Variants in RIMKLB observed in about 807,000 individuals in gnomAD.
The protein encoded by RIMKLB is beta-citrylglutamate synthase B.
A neutral mutation model predicts 32.0 loss-of-function variants in RIMKLB; 7 were observed. That is an observed-to-expected ratio of 0.22 (90% CI 0.12 to 0.41). RIMKLB has a LOEUF of 0.41. Among genes scored for constraint, RIMKLB ranks in the 10% least tolerant of loss-of-function variants. The pLI is 1.00. For synonymous variants in RIMKLB, 172 were observed against 185.1 expected (o/e 0.93, Z 0.57); for missense variants, 289 against 498.7 (o/e 0.58, Z 4.00).
intron 1 of RIMKLB, among the ~76,000 whole-genome samples, chr12:8,702,762 TTTAG>T (rs1943515853): frequency 6.6e-6 from 1 of 152,234 alleles, no homozygotes; most frequent in Admixed American, 6.5e-5. Flanking sequence ...TGACATGTGA[TTTAG>T]TTAGCCATAT....
intron 5 of RIMKLB, among the ~76,000 whole-genome samples, chr12:8,766,127 A>G (rs767951632): frequency 6.6e-6 from 1 of 152,204 alleles, no homozygotes; most frequent in East Asian, 1.9e-4. Context: ...AAAAAAGAAC[A>G]TAGGGATGCC....
downstream of RIMKLB, among the ~76,000 whole-genome samples, chr12:8,778,863 G>A (rs903899869): frequency 7.9e-5 from 12 of 152,222 alleles, no homozygotes; most frequent in African/African-American, 2.9e-4. Flanking sequence ...TCACTAGTTA[G>A]TGAATAGGAA....
chr12:8,709,888 G>A (rs1413212130), intron 1 of RIMKLB, among the ~76,000 whole-genome samples: 1 of 149,018 alleles, frequency 6.7e-6, no homozygotes, highest in East Asian at 1.9e-4. Flanking sequence ...TGTACTATCT[G>A]CAGTTTCAGG....
rs546394282 is a variant in RIMKLB, at chr12:8,717,655, T to G, written c.175+3614T>G. On this transcript the variant is annotated intron_variant, in intron 2 of 5. Coordinates refer to ENST00000535829, the MANE Select transcript of RIMKLB (RefSeq NM_001297776.2). ...GCTTGTCTGTTTTGTTCATAGTATATCTGACATAATGTCTGTTCTTACTAC... is the reference window on the plus strand; with the variant it reads ...GCTTGTCTGTTTTGTTCATAGTATAGCTGACATAATGTCTGTTCTTACTAC... 3.6e-4 allele frequency among the ~76,000 whole-genome samples: 55 copies of G among 152,356 alleles called. No individual in the cohort carries two copies. The South Asian group carries it at 0.011, about 31-fold the overall frequency.
chr12:8,682,267 C>T (rs1426113700), intron 1 of RIMKLB, among the ~76,000 whole-genome samples: 1 of 152,148 alleles, frequency 6.6e-6, no homozygotes, highest in Non-Finnish European at 1.5e-5. Flanking sequence ...AGAGTCTTGT[C>T]GTCGAACTGC....
intron 2 of RIMKLB, among the ~76,000 whole-genome samples, chr12:8,728,959 C>T (rs2137246502): frequency 6.6e-6 from 1 of 152,222 alleles, no homozygotes; most frequent in African/African-American, 2.4e-5. Flanking sequence ...CAGGGGTGAA[C>T]TCCACTCACT....
chr12:8,723,074 T>C (rs1272301608), intron 2 of RIMKLB, among the ~76,000 whole-genome samples: 2 of 152,218 alleles, frequency 1.3e-5, no homozygotes, highest in African/African-American at 4.8e-5. Context: ...CAAGCACTTT[T>C]CCTTTGCATA....
At chr12:8,684,459 C>T (rs1370195067) in intron 1 of RIMKLB, among the ~76,000 whole-genome samples, 1 of 152,154 alleles carries the variant, frequency 6.6e-6, no homozygotes, top group African/African-American at 2.4e-5. Flanking sequence ...AGGCATGAGC[C>T]ATCACACCCG....
At chr12:8,707,838 A>T (rs1374556717) in intron 1 of RIMKLB, among the ~76,000 whole-genome samples, 4 of 152,210 alleles carry the variant, frequency 2.6e-5, no homozygotes, top group African/African-American at 7.2e-5. Context: ...TAAGAGACAC[A>T]AATTTGTTAT....
In RIMKLB at chr12:8,776,472, TGAGA is replaced by T. The variant is rs944669724; in HGVS notation, c.*2693_*2696del. 46 of 757,094 alleles carry T rather than the reference TGAGA, an allele frequency of 6.1e-5. No individual in the cohort carries two copies. The highest frequency in any genetic ancestry group is 4.9e-4 in the South Asian group (8 of 16,492). 46.9% of individuals were successfully genotyped at this position (757,094 alleles called of 1,614,324 possible). A position where few individuals can be genotyped will look rare whatever the true frequency, so the allele number is the denominator to read the frequency against. On this transcript the variant is annotated 3_prime_UTR_variant, in exon 6 of 6. Transcript: ENST00000535829. ...TTTTGTATAATCTTCATTGCTATTA[TGAGA>T]GAGAATGTATATATCAAATATGTGT...
intron 5 of RIMKLB, among the ~76,000 whole-genome samples, chr12:8,757,408 C>T (rs920454445): frequency 4.7e-5 from 7 of 150,124 alleles, no homozygotes; most frequent in African/African-American, 1.5e-4. Context: ...TGATTCACAC[C>T]TCTGGTCCCA....
At chr12:8,673,539 T>C in the RIMKLB span, among the ~76,000 whole-genome samples, 1 of 152,040 alleles carries the variant, frequency 6.6e-6, no homozygotes, top group African/African-American at 2.4e-5. Context: ...AATAGGGTTG[T>C]TGGCAGAAGC....
upstream of RIMKLB, among the ~76,000 whole-genome samples, chr12:8,696,963 C>CT (rs200665237): frequency 4.6e-5 from 7 of 151,272 alleles, no homozygotes; most frequent in South Asian, 4.2e-4. Flanking sequence ...GTCTGTAGCC[C>CT]TTTTTTTTTC....
At chr12:8,696,021 C>T (rs548039358), upstream of RIMKLB, among the ~76,000 whole-genome samples, 2 of 152,172 alleles carry the variant, frequency 1.3e-5, no homozygotes, top group East Asian at 1.9e-4. Context: ...GGGCAAGTGG[C>T]AAGTGAGTTA....
upstream of RIMKLB, among the ~76,000 whole-genome samples, chr12:8,695,789 GTTCAAGCGA>G (rs1253731408): frequency 2.0e-5 from 3 of 151,712 alleles, no homozygotes; most frequent in Admixed American, 1.3e-4. Context: ...CACCTCCCAG[GTTCAAGCGA>G]TTCTCCTGCC....
intron 5 of RIMKLB, among the ~76,000 whole-genome samples, chr12:8,764,304 A>C (rs1480490744): frequency 6.6e-6 from 1 of 152,042 alleles, no homozygotes; most frequent in Admixed American, 6.5e-5. Flanking sequence ...TTCAGGATTA[A>C]TTCCTTCCTC....
At chr12:8,742,632 C>G (rs953890934) in intron 2 of RIMKLB, 1 of 265,032 alleles carries the variant, frequency 3.8e-6, no homozygotes, top group South Asian at 4.4e-5. Flanking sequence ...TCTGTTGTTG[C>G]CATTGAAAAC....
chr12:8,739,431 C>T (rs1337982491), intron 2 of RIMKLB, among the ~76,000 whole-genome samples: 3 of 152,202 alleles, frequency 2.0e-5, no homozygotes, highest in Non-Finnish European at 4.4e-5. Flanking sequence ...GATCATCCCA[C>T]CTTGGCCTCC....
intron 2 of RIMKLB, among the ~76,000 whole-genome samples, chr12:8,733,353 C>T (rs943808369): frequency 6.6e-6 from 1 of 151,108 alleles, no homozygotes; most frequent in Non-Finnish European, 1.5e-5. Context: ...AGATCATTGC[C>T]ACATCTTAAC....
Sources: allele counts gnomAD v4.1 joint callset (sites outside exome capture counted in the v4.1 genomes callset), GRCh38; gene constraint gnomAD v4.1.1; transcripts MANE v1.5; gene names NCBI Gene and HGNC (gene_info 2026-07-23, HGNC 2026-07-21).